Variants in IL1RAPL1 observed in about 807,000 individuals in gnomAD.
The protein encoded by IL1RAPL1 is interleukin 1 receptor accessory protein like 1.
Under a neutral mutation model 48.4 loss-of-function variants are expected in IL1RAPL1, and 3 were observed. That is an observed-to-expected ratio of 0.06 (90% CI 0.03 to 0.16). The LOEUF (loss-of-function observed/expected upper bound fraction) is 0.16, where lower values mean the gene tolerates loss of function less well. Ranked by LOEUF, IL1RAPL1 falls within the 10% of genes least tolerant of loss-of-function variation. The pLI is 1.00. For missense variants in IL1RAPL1, 349 were observed against 530.6 expected (o/e 0.66, Z 3.36); for synonymous variants, 185 against 187.7 (o/e 0.99, Z 0.12).
chrX:29,654,618 A>G (rs759434833), intron 5 of IL1RAPL1, among the ~76,000 whole-genome samples: 5 of 111,634 alleles, frequency 4.5e-5, no homozygotes, highest in Admixed American at 9.5e-5. Context: ...CCATGATTCA[A>G]TTGCCTCCCA....
intron 2 of IL1RAPL1, among the ~76,000 whole-genome samples, chrX:29,274,840 T>C (rs1345371260): frequency 9.0e-6 from 1 of 111,564 alleles, no homozygotes; most frequent in East Asian, 2.8e-4. Context: ...GAATCCTGAT[T>C]TGAAATCTCA....
intron 2 of IL1RAPL1, among the ~76,000 whole-genome samples, chrX:29,002,943 G>A (rs868860243): frequency 4.2e-5 from 4 of 95,736 alleles, no homozygotes; most frequent in South Asian, 4.7e-4. Context: ...ACACACACAC[G>A]ATCTCATAGA....
rs1001319459 is a variant in IL1RAPL1 at position 29,252,397 on chromosome X, G to C, written c.83-30541G>C. Among the ~76,000 whole-genome samples, 6 of 113,980 alleles carry C rather than the reference G, an allele frequency of 5.3e-5. No individual in the cohort carries two copies. The East Asian group carries it at 1.6e-3, about 31-fold the overall frequency. ...AGATTTCTCTATCAGTTTCCTAGTG[G>C]CCAGGGCATACAGGGAAATAAAAAT... is the stretch of plus-strand genomic sequence containing the variant. On this transcript the variant is annotated intron_variant, in intron 2 of 10. Transcript: ENST00000378993.
rs183938784 is a variant in IL1RAPL1, at chrX:29,803,445, A to G, written c.779-114019A>G. 5.0e-3 allele frequency among the ~76,000 whole-genome samples: 479 copies of G among 96,321 alleles called. 3 individuals carry two copies. The highest frequency in any genetic ancestry group is 9.7e-3 in the Middle Eastern group (1 of 103). The allele number at this position is 96,321 out of a possible 115,157, so 83.6% of individuals were successfully genotyped here. A position where few individuals can be genotyped will look rare whatever the true frequency, so the allele number is the denominator to read the frequency against. On this transcript the variant is annotated intron_variant, in intron 6 of 10. Coordinates refer to ENST00000378993, the MANE Select transcript of IL1RAPL1 (RefSeq NM_014271.4). ...TGTGTATATATGTATACATCTATGT[A>G]TATATGTGTGTATATATGTATATAT...
At chrX:28,737,138 C>CA (rs1935840506) in intron 1 of IL1RAPL1, among the ~76,000 whole-genome samples, 1 of 28,871 alleles carries the variant, frequency 3.5e-5, no homozygotes, top group Non-Finnish European at 6.4e-5. Context: ...TCCTTCCTTC[C>CA]TTCCTTCCTT....
At chrX:28,717,300 T>C (rs1935515858) in intron 1 of IL1RAPL1, among the ~76,000 whole-genome samples, 2 of 112,198 alleles carry the variant, frequency 1.8e-5, no homozygotes, top group South Asian at 7.4e-4. Flanking sequence ...ATATATACCA[T>C]TGAATACTAT....
chrX:29,105,480 G>A (rs1041526001), intron 2 of IL1RAPL1, among the ~76,000 whole-genome samples: 3 of 111,904 alleles, frequency 2.7e-5, no homozygotes, highest in Non-Finnish European at 3.8e-5. Context: ...AATACTCATA[G>A]GTGTTTCTGC....
At chrX:29,947,429 A>C (rs755134626) in intron 9 of IL1RAPL1, among the ~76,000 whole-genome samples, 8 of 111,528 alleles carry the variant, frequency 7.2e-5, no homozygotes, top group Non-Finnish European at 1.3e-4. Context: ...TGTAATCACT[A>C]ACACGAATCC....
At chrX:29,183,728 A>G (rs1411667533) in intron 2 of IL1RAPL1, among the ~76,000 whole-genome samples, 1 of 111,920 alleles carries the variant, frequency 8.9e-6, no homozygotes, top group Non-Finnish European at 1.9e-5. Context: ...AATTTTGCTC[A>G]TGTTGCCCAG....
rs766369617 is a variant in IL1RAPL1, at chrX:28,897,061, G to C, written c.82+107636G>C. ...GAGGTTTTAAGTTCTTGAGAACACA[G>C]GCTAAGGGAGAAGAGGGAGGAATGG... is the stretch of plus-strand genomic sequence containing the variant. On this transcript the variant is annotated intron_variant, in intron 2 of 10. Transcript: ENST00000378993. Among the ~76,000 whole-genome samples, 305 of 110,695 alleles carry C rather than the reference G, an allele frequency of 2.8e-3. 1 individual carries two copies. Among genetic ancestry groups the C allele is most frequent in the African/African-American group, 9.5e-3 (289 of 30,417 alleles).
intron 2 of IL1RAPL1, among the ~76,000 whole-genome samples, chrX:29,281,929 G>T (rs1224880655): frequency 9.0e-6 from 1 of 111,544 alleles, no homozygotes; most frequent in African/African-American, 3.3e-5. Context: ...TTTGGTTTCT[G>T]GCTTTTGGAT....
At chrX:29,474,954 GA>G (rs1569319318) in intron 5 of IL1RAPL1, among the ~76,000 whole-genome samples, 1 of 111,795 alleles carries the variant, frequency 8.9e-6, no homozygotes, top group Non-Finnish European at 1.9e-5. Context: ...TATATGTAAA[GA>G]AATATTTCAG....
intron 2 of IL1RAPL1, among the ~76,000 whole-genome samples, chrX:29,039,471 G>A (rs1926796653): frequency 9.0e-6 from 1 of 111,423 alleles, no homozygotes; most frequent in African/African-American, 3.3e-5. Context: ...CTGTAAAAAC[G>A]GAATTCAGGA....
At chrX:29,363,569 A>G (rs971494491) in intron 3 of IL1RAPL1, among the ~76,000 whole-genome samples, 6 of 111,666 alleles carry the variant, frequency 5.4e-5, no homozygotes, top group Non-Finnish European at 1.1e-4. Flanking sequence ...CTATAAGGAA[A>G]TGCCTGAGAC....
chrX:29,940,065 G>A (rs759139059), intron 8 of IL1RAPL1, among the ~76,000 whole-genome samples: 14 of 110,307 alleles, frequency 1.3e-4, no homozygotes, highest in South Asian at 7.9e-4. Flanking sequence ...GTTTCGCCAC[G>A]TTGGCCAGGC....
intron 3 of IL1RAPL1, among the ~76,000 whole-genome samples, chrX:29,393,246 C>A (rs1464151718): frequency 8.9e-6 from 1 of 111,749 alleles, no homozygotes; most frequent in Admixed American, 9.5e-5. Flanking sequence ...CTCAGCCTCT[C>A]GAGTAGCTGG....
intron 5 of IL1RAPL1, among the ~76,000 whole-genome samples, chrX:29,463,523 T>C (rs1446598753): frequency 8.9e-6 from 1 of 111,970 alleles, no homozygotes; most frequent in African/African-American, 3.2e-5. Context: ...CTTGCTTTTT[T>C]ACCCTGGTCC....
intron 1 of IL1RAPL1, among the ~76,000 whole-genome samples, chrX:28,627,089 G>A (rs759091036): frequency 2.0e-4 from 22 of 111,920 alleles, no homozygotes; most frequent in Non-Finnish European, 3.4e-4. Flanking sequence ...CAGCTATGTG[G>A]TTTGGGTATT....
intron 5 of IL1RAPL1, among the ~76,000 whole-genome samples, chrX:29,408,335 C>G (rs1934101128): frequency 9.0e-6 from 1 of 110,875 alleles, no homozygotes; most frequent in Non-Finnish European, 1.9e-5. Context: ...CCCCTTCTGG[C>G]CAAAACATTT....
Sources: allele counts gnomAD v4.1 joint callset (sites outside exome capture counted in the v4.1 genomes callset), GRCh38; gene constraint gnomAD v4.1.1; transcripts MANE v1.5; gene names NCBI Gene and HGNC (gene_info 2026-07-23, HGNC 2026-07-21).